Variants in GRK5 observed in about 807,000 individuals in gnomAD.
The protein encoded by GRK5 is g protein-coupled receptor kinase GRK5.
In GRK5, 40 loss-of-function variants were observed where a neutral mutation model predicts 78.4. That is an observed-to-expected ratio of 0.51 (90% CI 0.40 to 0.66). The LOEUF (loss-of-function observed/expected upper bound fraction) is 0.66. Among genes scored for constraint, GRK5 ranks in the 30% least tolerant of loss-of-function variants. The pLI, the probability that GRK5 is intolerant of heterozygous loss-of-function variation, is 0.00. For missense variants in GRK5, 598 were observed against 759.9 expected (o/e 0.79, Z 2.50); for synonymous variants, 289 against 296.8 (o/e 0.97, Z 0.27).
chr10:119,371,805 G>A (rs1464055817), intron 2 of GRK5, among the ~76,000 whole-genome samples: 2 of 152,254 alleles, frequency 1.3e-5, no homozygotes, highest in Non-Finnish European at 2.9e-5. Context: ...GAGGAGATAG[G>A]ATCTGTCCAG....
chr10:119,256,274 C>T (rs892579920), intron 1 of GRK5, among the ~76,000 whole-genome samples: 10 of 152,128 alleles, frequency 6.6e-5, no homozygotes, highest in Admixed American at 5.2e-4. Flanking sequence ...TCCCTCTGGG[C>T]GGACCCCCCC....
At position 119,455,504 on chromosome 10, in the gene GRK5, T is replaced by C. The variant is rs1320139383; in HGVS notation, c.*437T>C. The C allele has an allele frequency of 3.1e-6, 1 of 325,134 alleles. No homozygotes were observed. Among genetic ancestry groups the C allele is most frequent in the Non-Finnish European group, 5.9e-6 (1 of 170,504 alleles). The allele number at this position is 325,134 out of a possible 1,614,324, so 20.1% of individuals were successfully genotyped here. A position where few individuals can be genotyped will look rare whatever the true frequency, so the allele number is the denominator to read the frequency against. ...TTTCTGTGCAGCCACTGTTAAGCCA[T>C]GTGTTCCAAGGCATTTTAGCGGGGA... On this transcript the variant is annotated 3_prime_UTR_variant, in exon 16 of 16. Coordinates refer to ENST00000392870, the MANE Select transcript of GRK5 (RefSeq NM_005308.3).
intron 4 of GRK5, among the ~76,000 whole-genome samples, chr10:119,407,934 C>T (rs1251442136): frequency 2.6e-5 from 4 of 152,088 alleles, no homozygotes; most frequent in South Asian, 2.1e-4. Flanking sequence ...GAGGCCAAGG[C>T]GGGCAAATCA....
At chr10:119,365,609 G>T (rs892896248) in intron 2 of GRK5, among the ~76,000 whole-genome samples, 3 of 152,190 alleles carry the variant, frequency 2.0e-5, no homozygotes, top group Non-Finnish European at 4.4e-5. Flanking sequence ...GTAGGGCTTA[G>T]AGCAGCTAGG....
At position 119,405,562 on chromosome 10, in the gene GRK5, C is replaced by T. The variant is rs144368346; in HGVS notation, c.339+8790C>T. 3.9e-3 allele frequency among the ~76,000 whole-genome samples: 594 copies of T among 152,064 alleles called. 4 individuals carry two copies. Among genetic ancestry groups the T allele is most frequent in the African/African-American group, 0.014 (569 of 41,458 alleles). On this transcript the variant is annotated intron_variant, in intron 4 of 15. Transcript: ENST00000392870. ...CTCCAAATTCCCTCCTCTGGCTCCC[C>T]ACCCCCACCCAGGCACCAGCGTCAG...
At chr10:119,398,272 A>C (rs1287219800) in intron 4 of GRK5, among the ~76,000 whole-genome samples, 1 of 152,202 alleles carries the variant, frequency 6.6e-6, no homozygotes, top group South Asian at 2.1e-4. Flanking sequence ...GATAGTGTGG[A>C]CACTCTGGGC....
intron 8 of GRK5, among the ~76,000 whole-genome samples, chr10:119,435,274 C>T (rs1389909713): frequency 6.6e-6 from 1 of 152,236 alleles, no homozygotes; most frequent in Non-Finnish European, 1.5e-5. Context: ...CAAATTTAGG[C>T]AGCCAGCCTG....
At chr10:119,447,208 C>T (rs1853169677) in intron 12 of GRK5, among the ~76,000 whole-genome samples, 2 of 152,180 alleles carry the variant, frequency 1.3e-5, no homozygotes, top group Admixed American at 1.3e-4. Flanking sequence ...TGGGTGTCTG[C>T]TCCCAAAGAC....
Position 119,452,635 on chromosome 10 carries a change from G to A in GRK5, c.1405-36G>A, listed in dbSNP as rs778768167. The A allele has an allele frequency of 1.1e-5, 18 of 1,612,202 alleles. No individual in the cohort carries two copies. The highest frequency in any genetic ancestry group is 4.4e-5 in the South Asian group (4 of 91,032). On this transcript the variant is annotated intron_variant, in intron 13 of 15. Transcript: ENST00000392870. This position sits in a 1 kb window ranked among gnomAD's most constrained non-coding sequence, Gnocchi z 4.4. ...GCTCGGGGCCACTGGAGCCGCAGGC[G>A]GGACATATGTGTGACCGGCCCTCTG...
intron 2 of GRK5, among the ~76,000 whole-genome samples, chr10:119,364,534 C>A (rs1426945101): frequency 6.6e-6 from 1 of 152,148 alleles, no homozygotes; most frequent in Non-Finnish European, 1.5e-5. Context: ...AGCTGCTGCC[C>A]CCAAGTAAGG....
chr10:119,329,987 C>T (rs1850742137), intron 2 of GRK5, among the ~76,000 whole-genome samples: 2 of 151,436 alleles, frequency 1.3e-5, no homozygotes, highest in African/African-American at 2.4e-5. Flanking sequence ...CTCAGACTCC[C>T]AAGTAGCTGG....
rs1047259714 is a variant in GRK5 at position 119,238,068 on chromosome 10, A to G, written c.52+30099A>G. 6.6e-6 allele frequency among the ~76,000 whole-genome samples: 1 copy of G among 152,134 alleles called. No homozygotes were observed. Among genetic ancestry groups the G allele is most frequent in the African/African-American group, 2.4e-5 (1 of 41,426 alleles). Reference sequence around the variant, plus strand: ...CTTGAGGGTGAGGGGGTGCTGATCTAGGGAGGAAGGAGGTTGCTTTCTGTG... The same window carrying G: ...CTTGAGGGTGAGGGGGTGCTGATCTGGGGAGGAAGGAGGTTGCTTTCTGTG... On this transcript the variant is annotated intron_variant, in intron 1 of 15. Coordinates refer to ENST00000392870, the MANE Select transcript of GRK5 (RefSeq NM_005308.3). The surrounding 1 kb of genome is among the most constrained non-coding windows in gnomAD (Gnocchi z 4.7).
chr10:119,220,751 C>T (rs781014609), intron 1 of GRK5, among the ~76,000 whole-genome samples: 3 of 151,708 alleles, frequency 2.0e-5, no homozygotes, highest in Non-Finnish European at 4.4e-5. Flanking sequence ...AGGAGAATCG[C>T]TTGAACCCGG....
At chr10:119,272,864 T>C (rs1472387316) in intron 1 of GRK5, among the ~76,000 whole-genome samples, 1 of 152,128 alleles carries the variant, frequency 6.6e-6, no homozygotes, top group African/African-American at 2.4e-5. Context: ...TTGATAGACC[T>C]GGAGGGACAG....
At chr10:119,418,307 G>A (rs930389584) in intron 4 of GRK5, among the ~76,000 whole-genome samples, 1 of 152,174 alleles carries the variant, frequency 6.6e-6, no homozygotes, top group African/African-American at 2.4e-5. Context: ...CCAGCTTCAG[G>A]GGGGACCAGA....
intron 1 of GRK5, among the ~76,000 whole-genome samples, chr10:119,318,195 G>A (rs1850523862): frequency 6.6e-6 from 1 of 152,228 alleles, no homozygotes; most frequent in African/African-American, 2.4e-5. Flanking sequence ...ATTAGACTAA[G>A]AGTCAGAACA....
At chr10:119,305,945 G>A (rs1260934248) in intron 1 of GRK5, among the ~76,000 whole-genome samples, 1 of 152,196 alleles carries the variant, frequency 6.6e-6, no homozygotes, top group Non-Finnish European at 1.5e-5. Flanking sequence ...GAGGAAGCAG[G>A]TGACGGCCTG....
At chr10:119,269,394 T>G (rs1237402489) in intron 1 of GRK5, among the ~76,000 whole-genome samples, 3 of 152,118 alleles carry the variant, frequency 2.0e-5, no homozygotes, top group South Asian at 2.1e-4. Flanking sequence ...TCCCTGAACA[T>G]GCAGCCGAGG....
intron 1 of GRK5, among the ~76,000 whole-genome samples, chr10:119,326,208 A>T (rs146623595): frequency 1.3e-5 from 2 of 152,314 alleles, no homozygotes; most frequent in African/African-American, 4.8e-5. Context: ...CTGCTGTGGG[A>T]AGGCTGTGGT....
Sources: allele counts gnomAD v4.1 joint callset (sites outside exome capture counted in the v4.1 genomes callset), GRCh38; gene constraint gnomAD v4.1.1; non-coding constraint Gnocchi (gnomAD v3.1); transcripts MANE v1.5; gene names NCBI Gene and HGNC (gene_info 2026-07-23, HGNC 2026-07-21).